Variants in MX1 observed in about 807,000 individuals in gnomAD.
The protein encoded by MX1 is interferon-induced GTP-binding protein Mx1.
MX1 carries 66 observed loss-of-function variants against 66.4 expected under a neutral mutation model. The observed-to-expected ratio is 0.99, with a 90% CI of 0.82 to 1.22. The LOEUF (loss-of-function observed/expected upper bound fraction) is 1.22, where lower values mean the gene tolerates loss of function less well. Ranked by LOEUF, MX1 falls within the 50% of genes most tolerant of loss-of-function variation. The probability of loss-of-function intolerance (pLI) is 0.00; values close to 1 mark genes in which losing one functional copy is unlikely to be tolerated. For synonymous variants in MX1, 311 were observed against 318.1 expected, an observed-to-expected ratio of 0.98 and a Z score of 0.24; for missense variants, 787 against 834.3, an observed-to-expected ratio of 0.94 and a Z score of 0.70.
At chr21:41,443,923 A>T (rs1233517528) in intron 11 of MX1, 57 bp downstream of exon 11, 2 of 1,510,540 alleles carry the variant, frequency 1.3e-6, no homozygotes, top group Non-Finnish European at 1.8e-6. Context: ...CGCAGAGCTG[A>T]ACCTTGCTGG....
At chr21:41,436,991 A>G (rs1377002443) in intron 6 of MX1, 24 bp from the exon 7 acceptor site, 5 of 1,613,082 alleles carry the variant, frequency 3.1e-6, no homozygotes, top group Non-Finnish European at 3.4e-6. Context: ...AAAGTGGAGC[A>G]CTGATGTGGG....
intron 4 of MX1, among the ~76,000 whole-genome samples, chr21:41,431,183 C>T (rs868287301): frequency 3.9e-5 from 6 of 152,240 alleles, no homozygotes; most frequent in African/African-American, 1.2e-4. Flanking sequence ...CCACCACTTC[C>T]AGCTAATTTT....
At chr21:41,430,031 T>G (rs1167763692) in intron 3 of MX1, 3 of 152,026 alleles carry the variant, frequency 2.0e-5, no homozygotes, top group Non-Finnish European at 4.4e-5. Flanking sequence ...AGTATTGGTG[T>G]TGGGGACGTG....
At chr21:41,431,547 C>T (rs2090212952) in intron 4 of MX1, among the ~76,000 whole-genome samples, 1 of 151,644 alleles carries the variant, frequency 6.6e-6, no homozygotes, top group East Asian at 1.9e-4. Flanking sequence ...GTGATCTCAG[C>T]TGACTGCATC....
At chr21:41,437,474 TA>T (rs3216170) in intron 7 of MX1, among the ~76,000 whole-genome samples, 55,718 of 148,578 alleles carry the variant, frequency 0.38, 11,861 homozygotes, top group Non-Finnish European at 0.5. Flanking sequence ...CCCCGTCTCT[TA>T]AAAAAAAAAA....
intron 5 of MX1, among the ~76,000 whole-genome samples, chr21:41,432,977 G>A (rs769750622): frequency 5.3e-5 from 8 of 152,326 alleles, no homozygotes; most frequent in Admixed American, 1.3e-4. Flanking sequence ...TCCCTGGTGC[G>A]TCTCTTGTCT....
intron 3 of MX1, chr21:41,428,891 G>C (rs762840681): frequency 6.6e-6 from 1 of 152,240 alleles, no homozygotes; most frequent in East Asian, 1.9e-4. Context: ...AACCTGCCCT[G>C]GGCAGGGACG....
At chr21:41,440,373 G>C (rs568009685) in intron 8 of MX1, among the ~76,000 whole-genome samples, 4 of 152,106 alleles carry the variant, frequency 2.6e-5, no homozygotes, top group Non-Finnish European at 5.9e-5. Flanking sequence ...GTATGGTGGC[G>C]TGCACCTGTC....
At chr21:41,455,633 G>C (rs1162536870) in intron 16 of MX1, among the ~76,000 whole-genome samples, 1 of 152,214 alleles carries the variant, frequency 6.6e-6, no homozygotes, top group South Asian at 2.1e-4. Context: ...TTACACAAAG[G>C]TTAGCAGAGG....
intron 12 of MX1, 104 bp from the exon 13 acceptor site, chr21:41,445,896 G>A: frequency 7.0e-7 from 1 of 1,421,380 alleles, no homozygotes; most frequent in South Asian, 1.3e-5. Context: ...CCATAAGAAA[G>A]CAAAGAATGA....
At chr21:41,458,424 T>A in intron 16 of MX1, 104 bp from the exon 17 acceptor site, 1 of 1,267,698 alleles carries the variant, frequency 7.9e-7, no homozygotes, top group Non-Finnish European at 1.1e-6. Context: ...TGCGAGGGTC[T>A]CCCTCATTGA....
chr21:41,439,855 CTTCAGACCCATTCTGA>C lies in MX1; in HGVS notation c.591+8_591+23del. ...TGCTGACATTGGGTATAAGGTCAGA[CTTCAGACCCATTCTGA>C]CCTTGGCCGTGGCGTGGGGATGGGG... is the stretch of plus-strand genomic sequence containing the variant. On this transcript the variant is annotated splice_region_variant and intron_variant, in intron 8 of 16. Coordinates refer to ENST00000398598, the MANE Select transcript of MX1 (RefSeq NM_002462.5). The C allele has an allele frequency of 6.2e-7, 1 of 1,607,008 alleles. No homozygotes were observed. Among genetic ancestry groups the C allele is most frequent in the Non-Finnish European group, 8.5e-7 (1 of 1,175,814 alleles).
At chr21:41,424,004 T>C (rs2090018970), upstream of MX1, among the ~76,000 whole-genome samples, 2 of 152,136 alleles carry the variant, frequency 1.3e-5, no homozygotes, top group Non-Finnish European at 2.9e-5. Flanking sequence ...ATTTTGTTCG[T>C]GAACAAGGGC....
At chr21:41,433,816 A>G (rs932105738) in intron 5 of MX1, among the ~76,000 whole-genome samples, 2 of 152,232 alleles carry the variant, frequency 1.3e-5, no homozygotes, top group Non-Finnish European at 2.9e-5. Context: ...TATGTTTGAC[A>G]CACTTTTGTA....
upstream of MX1, among the ~76,000 whole-genome samples, chr21:41,421,636 C>A (rs2089995034): frequency 6.6e-6 from 1 of 152,204 alleles, no homozygotes; most frequent in Non-Finnish European, 1.5e-5. Context: ...CAAAGCACAT[C>A]TTGCACCGCC....
intron 5 of MX1, 108 bp downstream of exon 5, chr21:41,432,283 G>C: frequency 1.0e-6 from 1 of 971,800 alleles, no homozygotes; most frequent in Admixed American, 1.9e-5. Flanking sequence ...CTGCTCTCTC[G>C]CCTCTCCTGT....
At chr21:41,442,026 C>T (rs111433151) in intron 10 of MX1, 112 bp downstream of exon 10, 1,105 of 332,128 alleles carry the variant, frequency 3.3e-3, no homozygotes, top group Non-Finnish European at 4.6e-3. Context: ...TGTGTGTGTG[C>T]GTGTGTGTGT....
chr21:41,426,880 C>A (rs1191043724), intron 1 of MX1: 1 of 152,174 alleles, frequency 6.6e-6, no homozygotes, highest in Non-Finnish European at 1.5e-5. Context: ...ATGCCTGGGG[C>A]CTCCCCGGCG....
At chr21:41,440,799 G>A in intron 8 of MX1, 88 bp from the exon 9 acceptor site, 1 of 1,502,470 alleles carries the variant, frequency 6.7e-7, no homozygotes, top group Non-Finnish European at 9.3e-7. Flanking sequence ...GACTCTTAGG[G>A]CCTAAAGCAA....
Sources: gnomAD v4.1 joint callset for allele counts (sites outside exome capture counted in the v4.1 genomes callset) on GRCh38, gnomAD v4.1.1 for gene constraint, MANE v1.5 for transcripts, NCBI Gene and HGNC (gene_info 2026-07-23, HGNC 2026-07-21) for gene names.